EHMT1: variants seen among roughly 807,000 people sequenced by gnomAD.
EHMT1 encodes the protein euchromatic histone lysine methyltransferase 1, also known as histone-lysine N-methyltransferase EHMT1.
EHMT1 carries 15 observed loss-of-function variants against 147.2 expected under a neutral mutation model. The ratio of observed to expected loss-of-function variants is 0.10; its 90% confidence interval spans 0.07 to 0.16. EHMT1 has a LOEUF of 0.16. Among genes scored for constraint, EHMT1 ranks in the 10% least tolerant of loss-of-function variants. EHMT1 has a pLI of 1.00. For missense variants in EHMT1, 1,587 were observed against 1,772.4 expected, an observed-to-expected ratio of 0.90 and a Z score of 1.88; for synonymous variants, 795 against 709.6, an observed-to-expected ratio of 1.12 and a Z score of -1.91.
chr9:137,710,582 A>G (rs536572003), intron 1 of EHMT1, among the ~76,000 whole-genome samples: 40 of 152,162 alleles, frequency 2.6e-4, no homozygotes, highest in African/African-American at 8.2e-4. Flanking sequence ...ATCTATTTCT[A>G]TAATTTTTTG....
chr9:137,691,361 A>G (rs954283092), intron 1 of EHMT1, among the ~76,000 whole-genome samples: 1 of 149,074 alleles, frequency 6.7e-6, no homozygotes, highest in Admixed American at 6.7e-5. Context: ...TTTTTTTTGT[A>G]GAGACAGAGT....
chr9:137,633,865 A>C (rs1843790134), intron 1 of EHMT1, among the ~76,000 whole-genome samples: 1 of 142,474 alleles, frequency 7.0e-6, no homozygotes, highest in African/African-American at 2.6e-5. Flanking sequence ...CTTGTCGCCT[A>C]GGCTGGAGTG....
At chr9:137,707,989 T>A (rs1263438097) in intron 1 of EHMT1, among the ~76,000 whole-genome samples, 1 of 152,240 alleles carries the variant, frequency 6.6e-6, no homozygotes, top group Non-Finnish European at 1.5e-5. Context: ...AGAGGGCTCT[T>A]GTTTATTGGG....
chr9:137,726,617 GTGC>G (rs1946657443), intron 3 of EHMT1, among the ~76,000 whole-genome samples: 1 of 152,146 alleles, frequency 6.6e-6, no homozygotes, highest in Admixed American at 6.5e-5. Context: ...CCTGCTTTCA[GTGC>G]TGCTGGGGCA....
At chr9:137,682,099 C>CG (rs1942006251) in intron 1 of EHMT1, among the ~76,000 whole-genome samples, 2 of 151,978 alleles carry the variant, frequency 1.3e-5, no homozygotes, top group Middle Eastern at 6.8e-3. Context: ...TACAGGCGCC[C>CG]CCACCACGCC....
intron 16 of EHMT1, 39 bp from the exon 17 acceptor site, chr9:137,798,774 A>G (rs1953182101): frequency 2.0e-6 from 3 of 1,533,948 alleles, no homozygotes; most frequent in Non-Finnish European, 1.8e-6. Flanking sequence ...CCAGGATCAC[A>G]GGTATGGATT....
intron 1 of EHMT1, among the ~76,000 whole-genome samples, chr9:137,681,893 A>G (rs982453105): frequency 6.6e-6 from 1 of 151,974 alleles, no homozygotes; most frequent in African/African-American, 2.4e-5. Context: ...GAGGCGGGTC[A>G]CTGATGCGGG....
intron 1 of EHMT1, among the ~76,000 whole-genome samples, chr9:137,673,912 G>A (rs1940955907): frequency 6.6e-6 from 1 of 152,174 alleles, no homozygotes; most frequent in Non-Finnish European, 1.5e-5. Context: ...GAGAGTCTGT[G>A]GGTCCCTCCT....
intron 25 of EHMT1, among the ~76,000 whole-genome samples, chr9:137,823,933 C>T (rs764336138): frequency 1.5e-4 from 23 of 152,222 alleles, no homozygotes; most frequent in Non-Finnish European, 3.2e-4. Flanking sequence ...CTCTGATGTA[C>T]ATATAAATAT....
intron 4 of EHMT1, among the ~76,000 whole-genome samples, chr9:137,737,569 T>C (rs748875914): frequency 6.6e-6 from 1 of 152,098 alleles, no homozygotes; most frequent in Non-Finnish European, 1.5e-5. Context: ...GAAGAAAACA[T>C]AGGACAAAGG....
chr9:137,649,453 C>T (rs1229973301), intron 1 of EHMT1, among the ~76,000 whole-genome samples: 2 of 140,260 alleles, frequency 1.4e-5, no homozygotes, highest in Admixed American at 7.4e-5. Flanking sequence ...GAGCGAGACT[C>T]CGACTCAAAC....
intron 1 of EHMT1, among the ~76,000 whole-genome samples, chr9:137,624,932 G>A (rs1232398213): frequency 6.6e-6 from 1 of 151,502 alleles, no homozygotes; most frequent in Non-Finnish European, 1.5e-5. Context: ...ACCCAGGCTG[G>A]AGTGCAGTGA....
intron 1 of EHMT1, among the ~76,000 whole-genome samples, chr9:137,672,119 A>G (rs1045474866): frequency 1.3e-5 from 2 of 152,218 alleles, no homozygotes; most frequent in Non-Finnish European, 2.9e-5. Context: ...GAGATGTGTG[A>G]TAGTGCCATA....
chr9:137,728,610 G>A lies in EHMT1; in HGVS notation c.823+81G>A, dbSNP rs930986243. The A allele has an allele frequency of 2.2e-5, 35 of 1,580,640 alleles. No homozygotes were observed. The African/African-American group carries it at 3.6e-4, about 16-fold the overall frequency. On this transcript the variant is annotated intron_variant, in intron 4 of 26. Coordinates refer to ENST00000460843, the MANE Select transcript of EHMT1 (RefSeq NM_024757.5). ...CCTTGCCAGGTGAGAGTTCTGTTTG[G>A]CTGTAAGTGCCTGTGCTGCTCTTGA...
chr9:137,835,885 C>T lies in EHMT1; in HGVS notation c.*932C>T, dbSNP rs1014430484. ...TGTAGCGTGAATAAATTTGCCATCA[C>T]CTTTTGTGTGGTGGCCTGGCAGGTC... On this transcript the variant is annotated 3_prime_UTR_variant, in exon 27 of 27. Transcript: ENST00000460843. 1 of 152,536 alleles carries T rather than the reference C, an allele frequency of 6.6e-6. No homozygotes were observed. Among genetic ancestry groups the T allele is most frequent in the African/African-American group, 2.4e-5 (1 of 41,432 alleles). 9.4% of individuals were successfully genotyped at this position (152,536 alleles called of 1,614,324 possible).
chr9:137,756,802 T>A (rs1426325186), intron 8 of EHMT1, among the ~76,000 whole-genome samples: 1 of 152,260 alleles, frequency 6.6e-6, no homozygotes, highest in Non-Finnish European at 1.5e-5. Context: ...ATGAATTTTT[T>A]ATTTAAATCT....
chr9:137,794,553 A>G (rs1952758892), intron 16 of EHMT1, among the ~76,000 whole-genome samples: 1 of 151,878 alleles, frequency 6.6e-6, no homozygotes, highest in East Asian at 1.9e-4. Flanking sequence ...AGGCTGAGGC[A>G]GGAGCATCAC....
At position 137,717,204 on chromosome 9, in the gene EHMT1, C is replaced by T. The variant is rs138785890; in HGVS notation, c.642+22C>T. The T allele has an allele frequency of 8.7e-6, 14 of 1,609,660 alleles. No individual in the cohort carries two copies. The highest frequency in any genetic ancestry group is 1.1e-5 in the Non-Finnish European group (13 of 1,179,812). Reference sequence around the variant, plus strand: ...CCTGGTAATTTTGTGTCTTCTCTTGCTGTTTCCTTTTTCCCATCTCTTTTG... The same window carrying T: ...CCTGGTAATTTTGTGTCTTCTCTTGTTGTTTCCTTTTTCCCATCTCTTTTG... On this transcript the variant is annotated intron_variant, in intron 3 of 26. Transcript: ENST00000460843.
intron 3 of EHMT1, among the ~76,000 whole-genome samples, chr9:137,724,492 C>T (rs913460254): frequency 3.9e-5 from 6 of 152,248 alleles, no homozygotes; most frequent in African/African-American, 1.4e-4. Flanking sequence ...CTCAGTTAAG[C>T]CATTCTTAGT....
Sources: allele counts gnomAD v4.1 joint callset (sites outside exome capture counted in the v4.1 genomes callset), GRCh38; gene constraint gnomAD v4.1.1; transcripts MANE v1.5; gene names NCBI Gene and HGNC (gene_info 2026-07-23, HGNC 2026-07-21).